The following ZNF665 variants were observed in gnomAD, a reference collection of about 807,000 sequenced individuals.
ZNF665 encodes the protein zinc finger protein 665.
A neutral mutation model predicts 7.9 loss-of-function variants in ZNF665; 6 were observed. The observed-to-expected ratio is 0.76, with a 90% CI of 0.42 to 1.50. The LOEUF is 1.50. Ranked by LOEUF, ZNF665 falls within the 40% of genes most tolerant of loss-of-function variation. ZNF665 has a pLI of 0.01. For missense variants in ZNF665, 819 were observed against 806.7 expected (o/e 1.02, Z -0.18); for synonymous variants, 242 against 274.5 (o/e 0.88, Z 1.17).
intron 3 of ZNF665, among the ~76,000 whole-genome samples, chr19:53,173,372 C>CTTTTTTTTTTTTT (rs34425717): frequency 2.5e-5 from 2 of 78,880 alleles, no homozygotes; most frequent in African/African-American, 4.8e-5. Flanking sequence ...TTTTTTCACT[C>CTTTTTTTTTTTTT]TTTTTTTTTT....
chr19:53,165,367 T>C lies in ZNF665; in HGVS notation c.1123A>G (p.Lys375Glu), dbSNP rs768571747. Residue 375 changes from lysine (K) to glutamate (E), a missense_variant, in exon 4 of 4, where the codon AAG (lysine) becomes GAG (glutamate). Lys to Glu is a moderately conservative substitution (Grantham distance 56). Coordinates refer to ENST00000396424, the MANE Select transcript of ZNF665 (RefSeq NM_024733.5). The stretch of plus-strand genomic sequence containing the variant: ...AAGGCTTTCCCACACTCATTACACT[T>C]GTAAGGTTTCTCACCAGTATGAATT... Reference protein sequence around the residue: ...RRIHTGEKPYKCNECGKAFSM... With the variant: ...RRIHTGEKPYECNECGKAFSM... The C allele has an allele frequency of 6.2e-7, 1 of 1,614,064 alleles. No individual in the cohort carries two copies.
chr19:53,173,260 T>C (rs1211181809), intron 3 of ZNF665, among the ~76,000 whole-genome samples: 1 of 152,204 alleles, frequency 6.6e-6, no homozygotes, highest in Non-Finnish European at 1.5e-5. Flanking sequence ...TGTGTGGATA[T>C]TGCTTTTTTC....
At position 53,175,548 on chromosome 19, in the gene ZNF665, C is replaced by T. The variant is rs758544425; in HGVS notation, c.39G>A (p.Val13=). The T allele has an allele frequency of 6.2e-6, 10 of 1,607,724 alleles. No individual in the cohort carries two copies. Among genetic ancestry groups the T allele is most frequent in the Non-Finnish European group, 8.5e-7 (1 of 1,178,264 alleles). ...LPQGQLTFKD[V]AIEFSQEEWT... ...ACTCCTCCTGAGAGAATTCTATGGC[C>T]ACATCCTTGAATGTCAACTGTCCCT... The change falls in exon 3 of 4, where the codon GTG becomes GTA. Residue 13 remains valine (V), a synonymous_variant. Coordinates refer to ENST00000396424, the MANE Select transcript of ZNF665 (RefSeq NM_024733.5).
Position 53,164,097 on chromosome 19 carries a change from T to C in ZNF665, c.*356A>G, listed in dbSNP as rs1367072258. On this transcript the variant is annotated 3_prime_UTR_variant, in exon 4 of 4. Coordinates refer to ENST00000396424, the MANE Select transcript of ZNF665 (RefSeq NM_024733.5). ...TTCTCTGATGTTGTGAAAGAATTTG[T>C]GGCTGAAAAACTGGCCGCACTCCTT... The C allele has an allele frequency of 6.2e-6, 1 of 160,042 alleles. No homozygotes were observed. The highest frequency in any genetic ancestry group is 1.4e-5 in the Non-Finnish European group (1 of 73,256). 9.9% of individuals were successfully genotyped at this position (160,042 alleles called of 1,614,324 possible). A position where few individuals can be genotyped will look rare whatever the true frequency, so the allele number is the denominator to read the frequency against.
rs191454337 is a variant in ZNF665, at chr19:53,167,893, A to G, written c.143-1546T>C. Among the ~76,000 whole-genome samples the G allele has an allele frequency of 2.3e-3, 351 of 149,592 alleles. 1 individual carries two copies. Among genetic ancestry groups the G allele is most frequent in the Non-Finnish European group, 4.2e-3 (285 of 67,238 alleles). ...AACACGATGAAACCCCGTCTCTACT[A>G]AAGATACAAAAAATTCGCCATGCGT... On this transcript the variant is annotated intron_variant, in intron 3 of 3. Coordinates refer to ENST00000396424, the MANE Select transcript of ZNF665 (RefSeq NM_024733.5).
chr19:53,173,343 G>A (rs997493483), intron 3 of ZNF665, among the ~76,000 whole-genome samples: 2 of 149,526 alleles, frequency 1.3e-5, no homozygotes, highest in African/African-American at 2.5e-5. Context: ...AAGGCAACTG[G>A]CCATATATCC....
intron 1 of ZNF665, among the ~76,000 whole-genome samples, chr19:53,192,268 C>A (rs1026003444): frequency 6.6e-6 from 1 of 152,130 alleles, no homozygotes; most frequent in African/African-American, 2.4e-5. Context: ...CTTGTCCCCA[C>A]TCTTTGGCAC....
chr19:53,189,308 C>G (rs935114866), intron 1 of ZNF665, among the ~76,000 whole-genome samples: 1 of 151,610 alleles, frequency 6.6e-6, no homozygotes, highest in African/African-American at 2.4e-5. Context: ...AAAGAAAAGG[C>G]AGCTGCGCCC....
chr19:53,188,997 CTTA>C (rs2090792308), intron 1 of ZNF665, among the ~76,000 whole-genome samples: 1 of 150,702 alleles, frequency 6.6e-6, no homozygotes, highest in South Asian at 2.1e-4. Flanking sequence ...CATGCCCAGC[CTTA>C]TTTTTTGTTT....
intron 3 of ZNF665, among the ~76,000 whole-genome samples, chr19:53,170,739 G>A (rs769341935): frequency 6.6e-5 from 10 of 152,160 alleles, no homozygotes; most frequent in African/African-American, 9.7e-5. Flanking sequence ...ATGGAATGCA[G>A]ATACGTCATA....
chr19:53,180,292 G>A (rs1175938466), intron 2 of ZNF665, among the ~76,000 whole-genome samples: 1 of 151,954 alleles, frequency 6.6e-6, no homozygotes, highest in Admixed American at 6.6e-5. Context: ...AATTAGCCAG[G>A]TGTGATGGCA....
intron 1 of ZNF665, among the ~76,000 whole-genome samples, chr19:53,192,878 C>T (rs987471129): frequency 2.0e-5 from 3 of 151,960 alleles, no homozygotes; most frequent in African/African-American, 7.3e-5. Flanking sequence ...TGGGGGGCGA[C>T]GGCGCCTTAG....
chr19:53,179,484 G>C (rs1157424428), intron 2 of ZNF665: 1 of 122,414 alleles, frequency 8.2e-6, no homozygotes, highest in African/African-American at 3.2e-5. Context: ...GTTTTGCTTT[G>C]TCACCCAGGC....
intron 1 of ZNF665, among the ~76,000 whole-genome samples, chr19:53,191,181 C>G (rs1364802836): frequency 1.3e-5 from 2 of 152,174 alleles, no homozygotes; most frequent in Non-Finnish European, 2.9e-5. Flanking sequence ...AATTATTGGA[C>G]AGTCAGGTAG....
Position 53,189,314 on chromosome 19 carries a change from C to T in ZNF665, c.-46+3998G>A, listed in dbSNP as rs201441455. ...AAAGAGATAAAAGAAAAGGCAGCTG[C>T]GCCCGGGGGACCACTACCACCAATG... On this transcript the variant is annotated intron_variant, in intron 1 of 3. Transcript: ENST00000396424. Among the ~76,000 whole-genome samples, 5 of 151,890 alleles carry T rather than the reference C, an allele frequency of 3.3e-5. No individual in the cohort carries two copies. In the South Asian group the frequency reaches 8.4e-4, roughly 26 times the overall value.
intron 1 of ZNF665, among the ~76,000 whole-genome samples, chr19:53,183,906 G>A (rs1825587264): frequency 1.3e-5 from 2 of 152,168 alleles, no homozygotes; most frequent in South Asian, 2.1e-4. Flanking sequence ...TCCTGGGGGA[G>A]CAGGTCAGGG....
chr19:53,182,790 A>G, intron 2 of ZNF665, 94 bp downstream of exon 2: 1 of 1,586,042 alleles, frequency 6.3e-7, no homozygotes, highest in East Asian at 2.2e-5. Flanking sequence ...CCTGTCAGGC[A>G]GGATGCTTCA....
intron 3 of ZNF665, among the ~76,000 whole-genome samples, chr19:53,171,504 GTATA>G (rs1555804176): frequency 6.9e-5 from 4 of 57,776 alleles, no homozygotes; most frequent in East Asian, 8.7e-4. Context: ...GTGTGTGTGT[GTATA>G]TATATATATA....
Position 53,165,156 on chromosome 19 carries a change from A to T in ZNF665, c.1334T>A (p.Leu445Gln). The change falls in exon 4 of 4, where the codon CTA (leucine) becomes CAA (glutamine). Residue 445 changes from leucine to glutamine, a missense_variant. Coordinates refer to ENST00000396424, the MANE Select transcript of ZNF665 (RefSeq NM_024733.5). ...CGKAFSVRSS[L>Q]TTHQAIHTGE... ...AGTATGAATTGCCTGATGGGTAGTT[A>T]GGCTTGATCGCACACTAAAGGCTTT... The T allele has an allele frequency of 5.0e-6, 8 of 1,614,158 alleles. No homozygotes were observed. The highest frequency in any genetic ancestry group is 6.8e-6 in the Non-Finnish European group (8 of 1,180,020).
Sources: allele counts gnomAD v4.1 joint callset (sites outside exome capture counted in the v4.1 genomes callset), GRCh38; gene constraint gnomAD v4.1.1; transcripts MANE v1.5; gene names NCBI Gene and HGNC (gene_info 2026-07-23, HGNC 2026-07-21).